CACNA2D1: variants seen among roughly 807,000 people sequenced by gnomAD.
CACNA2D1 encodes the protein voltage-dependent calcium channel subunit alpha-2/delta-1.
In CACNA2D1, 53 loss-of-function variants were observed where a neutral mutation model predicts 171.5. That is an observed-to-expected ratio of 0.31 (90% CI 0.25 to 0.39). The LOEUF (loss-of-function observed/expected upper bound fraction) is 0.39. CACNA2D1 is among the 10% of genes least tolerant of loss of function. The probability of loss-of-function intolerance (pLI) is 1.00; values close to 1 mark genes in which losing one functional copy is unlikely to be tolerated. For synonymous variants in CACNA2D1, 442 were observed against 443.1 expected (o/e 1.00, Z 0.03); for missense variants, 903 against 1,299.8 (o/e 0.69, Z 4.69).
chr7:82,034,870 G>A (rs1393959992), intron 11 of CACNA2D1, among the ~76,000 whole-genome samples: 1 of 152,028 alleles, frequency 6.6e-6, no homozygotes, highest in Admixed American at 6.6e-5. Context: ...AGAGAGAGAT[G>A]TTAGGGCATA....
At chr7:82,009,569 T>C (rs2130902642) in intron 15 of CACNA2D1, among the ~76,000 whole-genome samples, 1 of 152,248 alleles carries the variant, frequency 6.6e-6, no homozygotes, top group East Asian at 1.9e-4. Context: ...AATGCTACCA[T>C]GGTTTAAGAC....
intron 5 of CACNA2D1, among the ~76,000 whole-genome samples, chr7:82,122,573 T>C (rs765118740): frequency 2.5e-4 from 38 of 152,170 alleles, no homozygotes; most frequent in Admixed American, 6.5e-5. Context: ...GTATGAAGTT[T>C]TCAAATATCC....
At chr7:82,271,752 C>G (rs777723109) in intron 3 of CACNA2D1, among the ~76,000 whole-genome samples, 8 of 152,020 alleles carry the variant, frequency 5.3e-5, no homozygotes, top group South Asian at 2.1e-4. Flanking sequence ...AATGGCTAGA[C>G]CAGCAAAGCA....
intron 1 of CACNA2D1, among the ~76,000 whole-genome samples, chr7:82,383,740 T>G (rs1318008651): frequency 6.6e-6 from 1 of 152,236 alleles, no homozygotes; most frequent in South Asian, 2.1e-4. Context: ...TCACTTTGCC[T>G]ACATTCTCCT....
chr7:82,232,861 C>CA lies in CACNA2D1; in HGVS notation c.295-62253dup, dbSNP rs71093370. On this transcript the variant is annotated intron_variant, in intron 3 of 38. Coordinates refer to ENST00000356860, the MANE Select transcript of CACNA2D1 (RefSeq NM_000722.4). Reference sequence around the variant, plus strand: ...CCTGGGCAACAGAGCGAGATGTCTCCAAAAAAAAAAAAAAAAAAAAAAAAA... The same window carrying CA: ...CCTGGGCAACAGAGCGAGATGTCTCCAAAAAAAAAAAAAAAAAAAAAAAAAA... Among the ~76,000 whole-genome samples, 49 of 52,448 alleles carry CA rather than the reference C, an allele frequency of 9.3e-4. 3 individuals are homozygous for CA. The highest frequency in any genetic ancestry group is 1.4e-3 in the African/African-American group (22 of 15,200). 34.4% of individuals were successfully genotyped at this position (52,448 alleles called of 152,430 possible).
intron 4 of CACNA2D1, among the ~76,000 whole-genome samples, chr7:82,162,330 T>C (rs1795026697): frequency 1.3e-5 from 2 of 151,740 alleles, no homozygotes; most frequent in Admixed American, 6.6e-5. Context: ...CTGGAGCTAG[T>C]ATGTATGTGG....
At position 81,997,691 on chromosome 7, in the gene CACNA2D1, AT is replaced by A. The variant is rs1337229257; in HGVS notation, c.1591-442del. ...AAAAAAAAAAAAAGTGTATGAGAAA[AT>A]GTTTTAAAATTATGTCTACACTTGC... On this transcript the variant is annotated intron_variant, in intron 18 of 38. Transcript: ENST00000356860. 4.0e-5 allele frequency among the ~76,000 whole-genome samples: 6 copies of A among 151,782 alleles called. No individual in the cohort carries two copies. In the East Asian group the frequency reaches 1.2e-3, roughly 29 times the overall value.
chr7:82,148,879 C>T (rs1793460728), intron 4 of CACNA2D1, among the ~76,000 whole-genome samples: 1 of 152,140 alleles, frequency 6.6e-6, no homozygotes, highest in Non-Finnish European at 1.5e-5. Context: ...TCAGGGGATC[C>T]ACTCACCTCA....
intron 7 of CACNA2D1, among the ~76,000 whole-genome samples, chr7:82,083,091 AT>A (rs1318270011): frequency 6.7e-6 from 1 of 150,002 alleles, no homozygotes; most frequent in East Asian, 2.0e-4. Flanking sequence ...CTATATCATC[AT>A]TTTCTCTCCG....
At chr7:82,062,510 T>C (rs1439023274) in intron 9 of CACNA2D1, among the ~76,000 whole-genome samples, 1 of 152,110 alleles carries the variant, frequency 6.6e-6, no homozygotes, top group African/African-American at 2.4e-5. Context: ...ATACTTTATA[T>C]CTATTAATTT....
At chr7:82,187,090 A>T (rs1475220870) in intron 3 of CACNA2D1, among the ~76,000 whole-genome samples, 2 of 152,136 alleles carry the variant, frequency 1.3e-5, no homozygotes, top group Non-Finnish European at 2.9e-5. Context: ...CATGTATCTA[A>T]ACCTCACAAA....
chr7:81,994,928 C>T lies in CACNA2D1; in HGVS notation c.1674G>A (p.Lys558=), dbSNP rs1433556935. ...ENDIKVEIRN[K]MIDGESGEKT... ...TTTCTCCACTTTCCCCATCAATCAT[C>T]TTATTTCGAATCTAAGAGTAAATGA... The change falls in exon 20 of 39, where the codon AAG becomes AAA. Residue 558 remains lysine, a synonymous_variant. Transcript: ENST00000356860. 1.3e-6 allele frequency: 2 copies of T among 1,533,894 alleles called. No homozygotes were observed. Among genetic ancestry groups the T allele is most frequent in the African/African-American group, 1.4e-5 (1 of 73,348 alleles).
At chr7:81,959,149 T>C in intron 38 of CACNA2D1, 126 bp downstream of exon 38, 2 of 725,400 alleles carry the variant, frequency 2.8e-6, no homozygotes, top group Non-Finnish European at 5.0e-6. Context: ...AAGTATGTCA[T>C]GTTAATGAGA....
At chr7:81,955,383 T>A (rs1409932804) in intron 38 of CACNA2D1, among the ~76,000 whole-genome samples, 1 of 152,084 alleles carries the variant, frequency 6.6e-6, no homozygotes, top group Non-Finnish European at 1.5e-5. Flanking sequence ...CAACTAACAT[T>A]TCAGTATTTT....
At chr7:82,428,844 G>T (rs191248390) in intron 1 of CACNA2D1, among the ~76,000 whole-genome samples, 5 of 152,248 alleles carry the variant, frequency 3.3e-5, no homozygotes, top group Admixed American at 2.6e-4. Context: ...TCAAAATCCT[G>T]AATATTCCCA....
intron 3 of CACNA2D1, among the ~76,000 whole-genome samples, chr7:82,222,929 T>G (rs1801948425): frequency 6.6e-6 from 1 of 151,492 alleles, no homozygotes; most frequent in African/African-American, 2.4e-5. Flanking sequence ...TGTTTGTTTG[T>G]TTGAGATGTA....
Position 81,947,675 on chromosome 7 carries a change from T to C in CACNA2D1, c.*2717A>G, listed in dbSNP as rs1792145981. 1 of 151,960 alleles carries C rather than the reference T, an allele frequency of 6.6e-6. No homozygotes were observed. Among genetic ancestry groups the C allele is most frequent in the Non-Finnish European group, 1.5e-5 (1 of 67,860 alleles). The allele number at this position is 151,960 out of a possible 1,614,324, so 9.4% of individuals were successfully genotyped here. A position where few individuals can be genotyped will look rare whatever the true frequency, so the allele number is the denominator to read the frequency against. On this transcript the variant is annotated 3_prime_UTR_variant, in exon 39 of 39. Transcript: ENST00000356860. ...GTGTATAAACTTTTTTATTGATCTG[T>C]TGTACTGTTCAGTCGTTGGAAATCA...
intron 7 of CACNA2D1, among the ~76,000 whole-genome samples, chr7:82,067,281 G>A (rs183691138): frequency 6.6e-6 from 1 of 152,124 alleles, no homozygotes; most frequent in Non-Finnish European, 1.5e-5. Flanking sequence ...AAATGCTGAT[G>A]AATTGGATGA....
At chr7:81,994,739 A>G in intron 20 of CACNA2D1, 129 bp downstream of exon 20, 1 of 602,648 alleles carries the variant, frequency 1.7e-6, no homozygotes, top group Non-Finnish European at 3.0e-6. Flanking sequence ...TTAAAAAGAA[A>G]AATTGTTTCC....
Sources: allele counts gnomAD v4.1 joint callset (sites outside exome capture counted in the v4.1 genomes callset), GRCh38; gene constraint gnomAD v4.1.1; transcripts MANE v1.5; gene names NCBI Gene and HGNC (gene_info 2026-07-23, HGNC 2026-07-21).